ZNF215: variants seen among roughly 807,000 people sequenced by gnomAD.
The protein encoded by ZNF215 is zinc finger protein 215.
In ZNF215, 24 loss-of-function variants were observed where a neutral mutation model predicts 27.2. The observed-to-expected ratio is 0.88, with a 90% CI of 0.64 to 1.24. The LOEUF (loss-of-function observed/expected upper bound fraction) is 1.24, where lower values mean the gene tolerates loss of function less well. Ranked by LOEUF, ZNF215 falls within the 50% of genes most tolerant of loss-of-function variation. The probability of loss-of-function intolerance (pLI) is 0.00; values close to 1 mark genes in which losing one functional copy is unlikely to be tolerated. For synonymous variants in ZNF215, 210 were observed against 204.0 expected (o/e 1.03, Z -0.25); for missense variants, 675 against 605.7 (o/e 1.11, Z -1.20).
At chr11:6,952,687 C>A (rs1448381387) in intron 6 of ZNF215, among the ~76,000 whole-genome samples, 2 of 152,052 alleles carry the variant, frequency 1.3e-5, no homozygotes, top group African/African-American at 4.8e-5. Context: ...ACTCTTTATC[C>A]AATTTGCCAG....
At chr11:6,939,080 A>G (rs1451711505) in intron 3 of ZNF215, among the ~76,000 whole-genome samples, 1 of 152,200 alleles carries the variant, frequency 6.6e-6, no homozygotes, top group Non-Finnish European at 1.5e-5. Context: ...AGATGCATTT[A>G]GCTATTGATT....
Position 6,957,146 on chromosome 11 carries a change from A to G in ZNF215, c.*615A>G, listed in dbSNP as rs1850392212. On this transcript the variant is annotated 3_prime_UTR_variant, in exon 7 of 7. Coordinates refer to ENST00000278319, the MANE Select transcript of ZNF215 (RefSeq NM_013250.4). The stretch of plus-strand genomic sequence containing the variant: ...GAGAAGTATGTATTGCTGTTAATCT[A>G]TATGTATTCTTAAAATCTGCATTTG... 1.0e-6 allele frequency: 1 copy of G among 985,456 alleles called. No homozygotes were observed. Among genetic ancestry groups the G allele is most frequent in the Non-Finnish European group, 1.2e-6 (1 of 829,950 alleles). The allele number at this position is 985,456 out of a possible 1,614,324, so 61.0% of individuals were successfully genotyped here.
At chr11:6,942,159 CTG>C (rs1222070346) in intron 4 of ZNF215, among the ~76,000 whole-genome samples, 2 of 152,092 alleles carry the variant, frequency 1.3e-5, no homozygotes, top group East Asian at 1.9e-4. Context: ...CTAAGCCAGA[CTG>C]TGGTGTGTTG....
Position 6,932,304 on chromosome 11 carries a change from C to G in ZNF215, c.32C>G (p.Ser11Ter), listed in dbSNP as rs1018019317. Residue 11 changes from serine to a stop codon, truncating the protein, a stop_gained, in exon 3 of 7, where the codon TCA becomes TGA. Coordinates refer to ENST00000278319, the MANE Select transcript of ZNF215 (RefSeq NM_013250.4). LOFTEE classifies it high-confidence loss of function. MQPLSKLMAI[S>*]KPRNLSLREQ... ...CCTCTGAGCAAGTTGATGGCTATCTCAAAACCTCGAAACCTGTCTCTACGT... is the reference window on the plus strand; with the variant it reads ...CCTCTGAGCAAGTTGATGGCTATCTGAAAACCTCGAAACCTGTCTCTACGT... The G allele has an allele frequency of 1.2e-6, 2 of 1,614,012 alleles. No homozygotes were observed. Among genetic ancestry groups the G allele is most frequent in the Non-Finnish European group, 1.7e-6 (2 of 1,180,000 alleles).
chr11:6,951,725 C>T (rs1056921150), intron 6 of ZNF215, among the ~76,000 whole-genome samples: 6 of 152,070 alleles, frequency 3.9e-5, no homozygotes, highest in African/African-American at 7.2e-5. Context: ...TTTTGTGTCT[C>T]TATTTCCTTC....
chr11:6,990,603 T>G (rs533799517), downstream of ZNF215, among the ~76,000 whole-genome samples: 11 of 152,376 alleles, frequency 7.2e-5, no homozygotes, highest in South Asian at 2.3e-3. Context: ...TAATGTATTA[T>G]CTATGTTTTA....
In ZNF215 at chr11:6,956,898, C is replaced by T; in HGVS notation, c.*367C>T. ...GAAGTAGACATTAGGCAAAGCCAAA[C>T]AATACTCTTGGAGTTGATATTTAAT... On this transcript the variant is annotated 3_prime_UTR_variant, in exon 7 of 7. Coordinates refer to ENST00000278319, the MANE Select transcript of ZNF215 (RefSeq NM_013250.4). 2 of 1,001,208 alleles carry T rather than the reference C, an allele frequency of 2.0e-6. No homozygotes were observed. The highest frequency in any genetic ancestry group is 2.4e-6 in the Non-Finnish European group (2 of 839,770). 62.0% of individuals were successfully genotyped at this position (1,001,208 alleles called of 1,614,324 possible).
intron 5 of ZNF215, among the ~76,000 whole-genome samples, chr11:6,972,186 G>GT (rs954466396): frequency 4.7e-4 from 72 of 151,608 alleles, no homozygotes; most frequent in Non-Finnish European, 6.2e-4. Context: ...GTAACCTTTT[G>GT]TTTTCTTTGT....
chr11:6,990,962 A>G (rs1851109658), downstream of ZNF215, among the ~76,000 whole-genome samples: 1 of 152,238 alleles, frequency 6.6e-6, no homozygotes. Flanking sequence ...ATCACAAACC[A>G]GTGACTGGAG....
At chr11:6,993,034 T>A (rs1298155196), downstream of ZNF215, among the ~76,000 whole-genome samples, 1 of 152,230 alleles carries the variant, frequency 6.6e-6, no homozygotes, top group African/African-American at 2.4e-5. Flanking sequence ...AGTCATGCTT[T>A]GATGTACTTA....
intron 6 of ZNF215, among the ~76,000 whole-genome samples, chr11:6,952,726 C>T (rs1850127842): frequency 6.6e-6 from 1 of 152,118 alleles, no homozygotes; most frequent in Admixed American, 6.5e-5. Context: ...AGCATTTAGT[C>T]CATTTACATG....
At chr11:6,980,845 T>A (rs941129555) in intron 5 of ZNF215, among the ~76,000 whole-genome samples, 3 of 148,232 alleles carry the variant, frequency 2.0e-5, no homozygotes, top group African/African-American at 7.5e-5. Context: ...CACCTATGAG[T>A]GAGAATATGC....
chr11:6,984,476 C>T (rs975851213), exon 6 of ZNF215: 1 of 152,896 alleles, frequency 6.5e-6, no homozygotes, highest in Non-Finnish European at 1.5e-5. Flanking sequence ...CTTATTTTTA[C>T]AAAGAAAATT....
chr11:6,957,230 T>G lies in ZNF215; in HGVS notation c.*699T>G. On this transcript the variant is annotated 3_prime_UTR_variant, in exon 7 of 7. Transcript: ENST00000278319. ...TGTTATAATGTTATAATTGTTATGA[T>G]GTTGATGAGAAAAATATCGATTCCC... The G allele has an allele frequency of 1.0e-6, 1 of 974,602 alleles. No individual in the cohort carries two copies. The highest frequency in any genetic ancestry group is 1.7e-5 in the African/African-American group (1 of 57,180). 60.4% of individuals were successfully genotyped at this position (974,602 alleles called of 1,614,324 possible). A position where few individuals can be genotyped will look rare whatever the true frequency, so the allele number is the denominator to read the frequency against.
chr11:6,949,916 G>A (rs887639987), intron 6 of ZNF215, among the ~76,000 whole-genome samples: 19 of 152,216 alleles, frequency 1.2e-4, no homozygotes, highest in Admixed American at 9.8e-4. Flanking sequence ...TGTATAAGGT[G>A]TAAGGAAGGG....
At chr11:6,974,011 G>T (rs1850777407) in intron 5 of ZNF215, among the ~76,000 whole-genome samples, 1 of 151,840 alleles carries the variant, frequency 6.6e-6, no homozygotes, top group African/African-American at 2.4e-5. Flanking sequence ...TTTCTTCTAG[G>T]GTTTTTATGG....
downstream of ZNF215, among the ~76,000 whole-genome samples, chr11:6,958,579 G>A (rs776311748): frequency 5.9e-5 from 9 of 152,086 alleles, no homozygotes; most frequent in African/African-American, 1.7e-4. Flanking sequence ...TTGTATTAGC[G>A]TTCTCTAGAG....
intron 5 of ZNF215, among the ~76,000 whole-genome samples, chr11:6,963,422 A>C (rs1191947762): frequency 6.6e-6 from 1 of 152,076 alleles, no homozygotes; most frequent in Non-Finnish European, 1.5e-5. Context: ...AATTGCTATT[A>C]AAATATGGTT....
intron 6 of ZNF215, among the ~76,000 whole-genome samples, chr11:6,994,122 CATT>C (rs1405456386): frequency 5.9e-5 from 9 of 151,792 alleles, no homozygotes; most frequent in African/African-American, 2.2e-4. Flanking sequence ...TTCCTTCAGG[CATT>C]ATAGTGCTGT....
Sources: gnomAD v4.1 joint callset for allele counts (sites outside exome capture counted in the v4.1 genomes callset) on GRCh38, gnomAD v4.1.1 for gene constraint, MANE v1.5 for transcripts, NCBI Gene and HGNC (gene_info 2026-07-23, HGNC 2026-07-21) for gene names.